The following PCDH18 variants were observed in gnomAD, a reference collection of about 807,000 sequenced individuals.
The protein encoded by PCDH18 is protocadherin-18.
PCDH18 carries 38 observed loss-of-function variants against 71.5 expected under a neutral mutation model. The observed-to-expected ratio is 0.53, with a 90% CI of 0.41 to 0.70. The LOEUF (loss-of-function observed/expected upper bound fraction) is 0.70. PCDH18 is among the 30% of genes least tolerant of loss of function. PCDH18 has a pLI of 0.00. For missense variants in PCDH18, 1,334 were observed against 1,384.6 expected, an observed-to-expected ratio of 0.96 and a Z score of 0.58; for synonymous variants, 565 against 505.4, an observed-to-expected ratio of 1.12 and a Z score of -1.58.
At chr4:137,525,252 AGGATATTTGTGTG>A (rs1731414041) in intron 3 of PCDH18, among the ~76,000 whole-genome samples, 1 of 152,198 alleles carries the variant, frequency 6.6e-6, no homozygotes, top group Non-Finnish European at 1.5e-5. Context: ...CTCAAAATGC[AGGATATTTGTGTG>A]GGAATTAATA....
At chr4:137,525,083 A>G (rs1444361714) in intron 3 of PCDH18, among the ~76,000 whole-genome samples, 1 of 152,188 alleles carries the variant, frequency 6.6e-6, no homozygotes, top group East Asian at 1.9e-4. Flanking sequence ...AAGAAACAAA[A>G]TCAAACGGCT....
Position 137,530,048 on chromosome 4 carries a change from C to T in PCDH18, c.2041G>A (p.Glu681Lys). The T allele has an allele frequency of 6.2e-7, 1 of 1,614,030 alleles. No individual in the cohort carries two copies. The highest frequency in any genetic ancestry group is 1.7e-5 in the Admixed American group (1 of 60,018). Reference protein sequence around the residue: ...LLKCMIFEYAESVTSTAMTSV... With the variant: ...LLKCMIFEYAKSVTSTAMTSV... ...GTCATTGCTGTACTTGTCACCGACT[C>T]TGCATATTCAAAGATCATGCACTTC... Residue 681 changes from glutamate to lysine, a missense_variant, in exon 1 of 4, where the codon GAG becomes AAG. Around this residue, in one of 3 missense-constraint regions of PCDH18, gnomAD observed 1,011 missense variants for 1,048.0 expected, o/e 0.96. Coordinates refer to ENST00000344876, the MANE Select transcript of PCDH18 (RefSeq NM_019035.5).
In PCDH18 at chr4:137,531,181, C is replaced by G. The variant is rs1224809614; in HGVS notation, c.908G>C (p.Arg303Thr). 1 of 1,612,678 alleles carries G rather than the reference C, an allele frequency of 6.2e-7. No homozygotes were observed. Among genetic ancestry groups the G allele is most frequent in the Non-Finnish European group, 8.5e-7 (1 of 1,179,230 alleles). The change falls in exon 1 of 4, where the codon AGA becomes ACA. Residue 303 changes from arginine (R) to threonine (T), a missense_variant. This residue lies in a region of PCDH18 where 1,011 missense variants were observed against 1,048.0 expected (regional missense o/e 0.96). Coordinates refer to ENST00000344876, the MANE Select transcript of PCDH18 (RefSeq NM_019035.5). ...IMETFKIDSE[R>T]GHLTLFKQVD... Reference sequence around the variant, plus strand: ...TTGCTTGAAAAGAGTCAAATGTCCTCTTTCAGAATCAATTTTAAAAGTCTC... The same window carrying G: ...TTGCTTGAAAAGAGTCAAATGTCCTGTTTCAGAATCAATTTTAAAAGTCTC...
rs1021971061 is a variant in PCDH18, at chr4:137,526,670, C to A, written c.2740+1808G>T. On this transcript the variant is annotated intron_variant, in intron 3 of 3. Coordinates refer to ENST00000344876, the MANE Select transcript of PCDH18 (RefSeq NM_019035.5). Reference sequence around the variant, plus strand: ...CCTTATTGTCTCTCGAAGTCCCCCCCATACGTTCATCCTGTGAGATATATT... The same window carrying A: ...CCTTATTGTCTCTCGAAGTCCCCCCAATACGTTCATCCTGTGAGATATATT... 7.9e-5 allele frequency among the ~76,000 whole-genome samples: 12 copies of A among 152,176 alleles called. No individual in the cohort carries two copies. The South Asian group carries it at 1.9e-3, about 24-fold the overall frequency.
chr4:137,528,545 A>T lies in PCDH18; in HGVS notation c.2673T>A (p.Ser891=), dbSNP rs1731546013. 1 of 1,613,948 alleles carries T rather than the reference A, an allele frequency of 6.2e-7. No homozygotes were observed. The highest frequency in any genetic ancestry group is 8.5e-7 in the Non-Finnish European group (1 of 1,179,874). The change falls in exon 3 of 4, where the codon TCT becomes TCA. Residue 891 remains serine (S), a synonymous_variant. Coordinates refer to ENST00000344876, the MANE Select transcript of PCDH18 (RefSeq NM_019035.5). ...GDSDYDLGRD[S]PIDRLLGEGF... is the part of the protein sequence containing the mutation. ...CTTCACCCAACAGCCTATCTATTGG[A>T]GAATCTCGCCCCAAATCATAATCAC...
chr4:137,531,118 A>G lies in PCDH18; in HGVS notation c.971T>C (p.Val324Ala), dbSNP rs1047787847. Residue 324 changes from valine (V) to alanine (A), a missense_variant, in exon 1 of 4, where the codon GTT becomes GCT. Val to Ala is a moderately conservative substitution (Grantham distance 64). Coordinates refer to ENST00000344876, the MANE Select transcript of PCDH18 (RefSeq NM_019035.5). ...ATTTGGACCCAAATCTTGAGCCTGA[A>G]CATCAATCTCATAGGATTTGGTGAT... Reference protein sequence around the residue: ...YEITKSYEIDVQAQDLGPNSI... With the variant: ...YEITKSYEIDAQAQDLGPNSI... The G allele has an allele frequency of 3.7e-6, 6 of 1,613,872 alleles. No individual in the cohort carries two copies. Among genetic ancestry groups the G allele is most frequent in the Non-Finnish European group, 4.2e-6 (5 of 1,179,788 alleles).
Position 137,528,631 on chromosome 4 carries a change from G to A in PCDH18, c.2587C>T (p.Gln863Ter), listed in dbSNP as rs773204222. The A allele has an allele frequency of 2.5e-6, 4 of 1,613,802 alleles. No individual in the cohort carries two copies. The highest frequency in any genetic ancestry group is 3.4e-6 in the Non-Finnish European group (4 of 1,179,828). Residue 863 changes from glutamine (Q) to a stop codon, truncating the protein, a stop_gained, in exon 3 of 4, where the codon CAA becomes TAA. Coordinates refer to ENST00000344876, the MANE Select transcript of PCDH18 (RefSeq NM_019035.5). LOFTEE classifies it high-confidence loss of function. ...KYSRSYRYAL[Q>*]DMDKFSLKDS... is the part of the protein sequence containing the mutation. ...TTCAAGCTAAATTTGTCCATGTCTT[G>A]AAGGGCATATCTGGAAAGATAAATC...
At position 137,531,629 on chromosome 4, in the gene PCDH18, T is replaced by C; in HGVS notation, c.460A>G (p.Thr154Ala). The C allele has an allele frequency of 6.2e-7, 1 of 1,613,830 alleles. No homozygotes were observed. The highest frequency in any genetic ancestry group is 1.7e-4 in the Middle Eastern group (1 of 6,060). Residue 154 changes from threonine to alanine, a missense_variant, in exon 1 of 4, where the codon ACT becomes GCT. Physicochemically the swap from Thr to Ala is moderately conservative, Grantham distance 58. This residue lies in a region of PCDH18 where 1,011 missense variants were observed against 1,048.0 expected (regional missense o/e 0.96). Coordinates refer to ENST00000344876, the MANE Select transcript of PCDH18 (RefSeq NM_019035.5). ...IEISESAAVG[T>A]RIPLDSAFDP... is the part of the protein sequence containing the mutation. ...AATGCACTGTCCAGGGGAATGCGAGTCCCAACTGCTGCACTCTCAGATATC... is the reference window on the plus strand; with the variant it reads ...AATGCACTGTCCAGGGGAATGCGAGCCCCAACTGCTGCACTCTCAGATATC...
rs752662808 is a variant in PCDH18 at position 137,521,565 on chromosome 4, G to C, written c.2872C>G (p.Pro958Ala). Reference sequence around the variant, plus strand: ...CTCTGATGTGGATGCTGCTGCTGGGGTTGCGTTGGGAATTCTTCCCCTGGA... The same window carrying C: ...CTCTGATGTGGATGCTGCTGCTGGGCTTGCGTTGGGAATTCTTCCCCTGGA... ...FIPGEEFPTQ[P>A]QQQHPHQSLE... Residue 958 changes from proline (P) to alanine (A), a missense_variant, in exon 4 of 4, where the codon CCC becomes GCC. Pro to Ala is a conservative substitution (Grantham distance 27, BLOSUM62 -1). Around this residue, in one of 3 missense-constraint regions of PCDH18, gnomAD observed 319 missense variants for 316.3 expected, o/e 1.01. Coordinates refer to ENST00000344876, the MANE Select transcript of PCDH18 (RefSeq NM_019035.5). The C allele has an allele frequency of 6.2e-7, 1 of 1,614,060 alleles. No individual in the cohort carries two copies. Among genetic ancestry groups the C allele is most frequent in the Non-Finnish European group, 8.5e-7 (1 of 1,180,024 alleles).
Position 137,530,269 on chromosome 4 carries a change from T to C in PCDH18, c.1820A>G (p.Asp607Gly). ...TTCAGCATTCACACCAGAGTCTCTGTCAATTGCCCTTATTCTTGTGACATG... is the reference window on the plus strand; with the variant it reads ...TTCAGCATTCACACCAGAGTCTCTGCCAATTGCCCTTATTCTTGTGACATG... ...GFHVTRIRAI[D>G]RDSGVNAELS... Residue 607 changes from aspartate to glycine, a missense_variant, in exon 1 of 4, where the codon GAC becomes GGC. By Grantham distance (94) the Asp-to-Gly change is moderately conservative (BLOSUM62 -1). This residue lies in a region of PCDH18 where 1,011 missense variants were observed against 1,048.0 expected (regional missense o/e 0.96). Coordinates refer to ENST00000344876, the MANE Select transcript of PCDH18 (RefSeq NM_019035.5). 1 of 1,614,046 alleles carries C rather than the reference T, an allele frequency of 6.2e-7. No individual in the cohort carries two copies. The highest frequency in any genetic ancestry group is 8.5e-7 in the Non-Finnish European group (1 of 1,179,974).
Position 137,521,569 on chromosome 4 carries a change from C to G in PCDH18, c.2868G>C (p.Thr956=). The part of the protein sequence containing the change: ...NMFIPGEEFP[T]QPQQQHPHQS... ...GATGTGGATGCTGCTGCTGGGGTTG[C>G]GTTGGGAATTCTTCCCCTGGAATGA... is the stretch of plus-strand genomic sequence containing the variant. Residue 956 remains threonine, a synonymous_variant, in exon 4 of 4, where the codon ACG becomes ACC. Transcript: ENST00000344876. The G allele has an allele frequency of 1.2e-6, 2 of 1,613,984 alleles. No homozygotes were observed. The highest frequency in any genetic ancestry group is 1.7e-6 in the Non-Finnish European group (2 of 1,180,002).
chr4:137,531,939 A>G lies in PCDH18; in HGVS notation c.150T>C (p.Asp50=). Residue 50 remains aspartate, a synonymous_variant, in exon 1 of 4, where the codon GAT becomes GAC. Transcript: ENST00000344876. ...GAAGCTTCAATAAAACATCAGCCACATCCTCTGATAGTCTTGCAATTACTG... is the reference window on the plus strand; with the variant it reads ...GAAGCTTCAATAAAACATCAGCCACGTCCTCTGATAGTCTTGCAATTACTG... The part of the protein sequence containing the change: ...VGSVIARLSE[D]VADVLLKLPN... 7 of 1,614,124 alleles carry G rather than the reference A, an allele frequency of 4.3e-6. No individual in the cohort carries two copies. The highest frequency in any genetic ancestry group is 5.9e-6 in the Non-Finnish European group (7 of 1,180,006).
At position 137,529,737 on chromosome 4, in the gene PCDH18, G is replaced by C; in HGVS notation, c.2352C>G (p.Thr784=). Residue 784 remains threonine, a synonymous_variant, in exon 1 of 4, where the codon ACC becomes ACG. Coordinates refer to ENST00000344876, the MANE Select transcript of PCDH18 (RefSeq NM_019035.5). ...HHRSSPSSSP[T]LERGQMGSRQ... ...GGCTGCCCATCTGCCCTCTTTCTAA[G>C]GTAGGAGATGAAGATGGAGACGATC... 7 of 1,613,946 alleles carry C rather than the reference G, an allele frequency of 4.3e-6. No homozygotes were observed. The highest frequency in any genetic ancestry group is 5.9e-6 in the Non-Finnish European group (7 of 1,179,910).
chr4:137,524,692 A>T (rs1346831224), intron 3 of PCDH18, among the ~76,000 whole-genome samples: 3 of 152,202 alleles, frequency 2.0e-5, no homozygotes, highest in African/African-American at 7.2e-5. Flanking sequence ...ATGGCAACAT[A>T]TGAGAGTTAA....
In PCDH18 at chr4:137,531,531, A is replaced by G. The variant is rs189691981; in HGVS notation, c.558T>C (p.Val186=). Residue 186 remains valine (V), a synonymous_variant, in exon 1 of 4, where the codon GTT becomes GTC. Coordinates refer to ENST00000344876, the MANE Select transcript of PCDH18 (RefSeq NM_019035.5). Reference sequence around the variant, plus strand: ...ACTTGGCTCCATCAGTCCTGGTCCGAACCTCGATATTAAAAAAATCATTGG... The same window carrying G: ...ACTTGGCTCCATCAGTCCTGGTCCGGACCTCGATATTAAAAAAATCATTGG... The part of the protein sequence containing the change: ...LSANDFFNIE[V]RTRTDGAKYA... 46 of 1,613,508 alleles carry G rather than the reference A, an allele frequency of 2.9e-5. No homozygotes were observed. The Admixed American group carries it at 5.0e-4, about 18-fold the overall frequency.
Position 137,522,188 on chromosome 4 carries a change from T to G in PCDH18, c.2741-492A>C, listed in dbSNP as rs557574071. Among the ~76,000 whole-genome samples, 21 of 152,340 alleles carry G rather than the reference T, an allele frequency of 1.4e-4. No homozygotes were observed. The South Asian group carries it at 4.4e-3, about 32-fold the overall frequency. On this transcript the variant is annotated intron_variant, in intron 3 of 3. Coordinates refer to ENST00000344876, the MANE Select transcript of PCDH18 (RefSeq NM_019035.5). ...GCTATAAGGTAATTATACTTATTAA[T>G]CTCTCTTAAAGATATTACAAATTAT...
At position 137,521,101 on chromosome 4, in the gene PCDH18, T is replaced by C; in HGVS notation, c.3336A>G (p.Lys1112=). ...DNVLNHLNDG[K]HELMDASELV... ...GTTCACTGGCATCCATGAGTTCGTGTTTCCCATCATTGAGGTGGTTGAGCA... is the reference window on the plus strand; with the variant it reads ...GTTCACTGGCATCCATGAGTTCGTGCTTCCCATCATTGAGGTGGTTGAGCA... Residue 1112 remains lysine, a synonymous_variant, in exon 4 of 4, where the codon AAA becomes AAG. Transcript: ENST00000344876. 1 of 1,613,854 alleles carries C rather than the reference T, an allele frequency of 6.2e-7. No homozygotes were observed. Among genetic ancestry groups the C allele is most frequent in the Non-Finnish European group, 8.5e-7 (1 of 1,179,748 alleles).
chr4:137,529,075 T>C, intron 1 of PCDH18: 3 of 457,098 alleles, frequency 6.6e-6, no homozygotes, highest in Non-Finnish European at 1.2e-5. Flanking sequence ...CCCTTTCAAA[T>C]AACTGATTTA....
At chr4:137,529,537 G>A in intron 1 of PCDH18, 65 bp downstream of exon 1, 1 of 1,141,242 alleles carries the variant, frequency 8.8e-7, no homozygotes, top group Non-Finnish European at 1.3e-6. Context: ...TTAAGAACTA[G>A]TAAACACAAT....
Sources: allele counts gnomAD v4.1 joint callset (sites outside exome capture counted in the v4.1 genomes callset), GRCh38; gene constraint gnomAD v4.1.1; regional missense constraint gnomAD v4.1.1; transcripts MANE v1.5; gene names NCBI Gene and HGNC (gene_info 2026-07-23, HGNC 2026-07-21).